NRG3: variants seen among roughly 807,000 people sequenced by gnomAD.
NRG3 encodes pro-neuregulin-3, membrane-bound isoform.
NRG3 carries 31 observed loss-of-function variants against 66.9 expected under a neutral mutation model. The ratio of observed to expected loss-of-function variants is 0.46; its 90% CI spans 0.35 to 0.63. The LOEUF is 0.63. Ranked by LOEUF, NRG3 falls within the 20% of genes least tolerant of loss-of-function variation. The pLI, the probability that NRG3 is intolerant of heterozygous loss-of-function variation, is 0.00. For synonymous variants in NRG3, 393 were observed against 359.4 expected (o/e 1.09, Z -1.06); for missense variants, 910 against 878.9 (o/e 1.04, Z -0.45).
chr10:81,888,143 T>G (rs1175007341), intron 1 of NRG3, among the ~76,000 whole-genome samples: 1 of 152,144 alleles, frequency 6.6e-6, no homozygotes, highest in Non-Finnish European at 1.5e-5. Context: ...GTCCAGCAGA[T>G]GCAAAGAGGG....
intron 1 of NRG3, among the ~76,000 whole-genome samples, chr10:82,320,583 A>C (rs369222585): frequency 6.6e-6 from 1 of 152,100 alleles, no homozygotes. Context: ...TTCAGAAAAT[A>C]TTTTATTTGT....
chr10:82,166,308 C>T (rs901549842), intron 1 of NRG3, among the ~76,000 whole-genome samples: 13 of 152,304 alleles, frequency 8.5e-5, no homozygotes, highest in African/African-American at 2.9e-4. Context: ...CATGAGCCAC[C>T]AGGTCCGGCC....
intron 1 of NRG3, among the ~76,000 whole-genome samples, chr10:81,915,201 T>A (rs907038941): frequency 6.6e-6 from 1 of 152,224 alleles, no homozygotes; most frequent in Non-Finnish European, 1.5e-5. Flanking sequence ...AGATCTTTTT[T>A]ATATTTTAAG....
chr10:82,440,680 C>T (rs901121166), intron 2 of NRG3, among the ~76,000 whole-genome samples: 4 of 152,010 alleles, frequency 2.6e-5, no homozygotes, highest in African/African-American at 9.7e-5. Context: ...ATCAATTTAC[C>T]TGTAATCCAG....
In NRG3 at chr10:82,888,245, A is replaced by C. The variant is rs1429517450; in HGVS notation, c.1054+22808A>C. 3.9e-5 allele frequency among the ~76,000 whole-genome samples: 6 copies of C among 152,204 alleles called. 1 individual carries two copies. The highest frequency in any genetic ancestry group is 3.9e-4 in the Admixed American group (6 of 15,286). ...TTTGTAAAGTGTGTTCCCTAGTGAT[A>C]TTAAGAGGTGTTTTGTACACACACA... On this transcript the variant is annotated intron_variant, in intron 4 of 8. Transcript: ENST00000372141.
chr10:82,472,119 C>A (rs969178101), intron 2 of NRG3, among the ~76,000 whole-genome samples: 1 of 151,812 alleles, frequency 6.6e-6, no homozygotes, highest in African/African-American at 2.4e-5. Context: ...ATCCTTTAAT[C>A]TTCAAATTAA....
intron 2 of NRG3, among the ~76,000 whole-genome samples, chr10:82,611,024 A>G (rs933466050): frequency 6.6e-6 from 1 of 152,032 alleles, no homozygotes; most frequent in African/African-American, 2.4e-5. Context: ...AATATATACT[A>G]TGTAGCTGCT....
chr10:82,872,634 CT>C (rs1841439347), intron 4 of NRG3, among the ~76,000 whole-genome samples: 1 of 151,798 alleles, frequency 6.6e-6, no homozygotes, highest in African/African-American at 2.4e-5. Context: ...ATACATATCT[CT>C]GGATGTCCAA....
At chr10:82,877,371 C>CT (rs59994503) in intron 4 of NRG3, among the ~76,000 whole-genome samples, 1,074 of 78,944 alleles carry the variant, frequency 0.014, 22 homozygotes, top group Non-Finnish European at 0.019. Flanking sequence ...ATAGGGCAGA[C>CT]TTTTTTTTTT....
chr10:82,132,661 A>G (rs1233230575), intron 1 of NRG3, among the ~76,000 whole-genome samples: 1 of 150,112 alleles, frequency 6.7e-6, no homozygotes, highest in Non-Finnish European at 1.5e-5. Flanking sequence ...TTAGTTCTTC[A>G]TTAAATATTT....
chr10:82,054,279 GAC>G (rs1478199456), intron 1 of NRG3, among the ~76,000 whole-genome samples: 2 of 152,172 alleles, frequency 1.3e-5, no homozygotes, highest in Admixed American at 6.5e-5. Flanking sequence ...GAGAAATGAT[GAC>G]AGCTTAGACC....
At chr10:82,544,773 A>C (rs907834379) in intron 2 of NRG3, among the ~76,000 whole-genome samples, 1 of 152,182 alleles carries the variant, frequency 6.6e-6, no homozygotes, top group African/African-American at 2.4e-5. Flanking sequence ...CAGTTCAATA[A>C]ACACTTATTA....
intron 2 of NRG3, among the ~76,000 whole-genome samples, chr10:82,465,983 A>G (rs543655427): frequency 1.3e-5 from 2 of 152,228 alleles, no homozygotes; most frequent in East Asian, 3.9e-4. Context: ...CTCTATCAGG[A>G]TGTGCCTTGT....
intron 1 of NRG3, among the ~76,000 whole-genome samples, chr10:82,323,919 C>T (rs904043247): frequency 3.9e-5 from 6 of 152,140 alleles, no homozygotes; most frequent in African/African-American, 1.2e-4. Context: ...GGCTGGAGTG[C>T]AATGGTGCGA....
chr10:82,377,455 T>TGTGC (rs1554900431), intron 2 of NRG3, among the ~76,000 whole-genome samples: 3 of 97,744 alleles, frequency 3.1e-5, no homozygotes, highest in Admixed American at 9.5e-5. Flanking sequence ...TGTGTGTGTG[T>TGTGC]GTGCGCGAGC....
chr10:81,980,504 T>A (rs1258967817), intron 1 of NRG3, among the ~76,000 whole-genome samples: 1 of 152,122 alleles, frequency 6.6e-6, no homozygotes, highest in Non-Finnish European at 1.5e-5. Flanking sequence ...GACTTTGAGA[T>A]GCTATATTTT....
At chr10:82,349,674 C>A (rs1325843706) in intron 1 of NRG3, among the ~76,000 whole-genome samples, 5 of 151,986 alleles carry the variant, frequency 3.3e-5, no homozygotes. Context: ...CTCGCTGCCG[C>A]CTTGCAGTTT....
intron 1 of NRG3, among the ~76,000 whole-genome samples, chr10:82,285,929 A>G (rs543268466): frequency 1.3e-5 from 2 of 152,326 alleles, no homozygotes; most frequent in South Asian, 2.1e-4. Context: ...TGTTAGAAGA[A>G]TATTAAGAAT....
chr10:82,495,479 C>T (rs1001563421), intron 2 of NRG3, among the ~76,000 whole-genome samples: 2 of 151,914 alleles, frequency 1.3e-5, no homozygotes, highest in Admixed American at 6.6e-5. Flanking sequence ...TCTTCTCTCC[C>T]TTCCATTTAC....
Sources: allele counts gnomAD v4.1 joint callset (sites outside exome capture counted in the v4.1 genomes callset), GRCh38; gene constraint gnomAD v4.1.1; transcripts MANE v1.5; gene names NCBI Gene and HGNC (gene_info 2026-07-23, HGNC 2026-07-21).